PRRG1: variants seen among roughly 807,000 people sequenced by gnomAD.
The protein encoded by PRRG1 is transmembrane gamma-carboxyglutamic acid protein 1.
PRRG1 carries 5 observed loss-of-function variants against 11.8 expected under a neutral mutation model. The ratio of observed to expected loss-of-function variants is 0.42; its 90% CI spans 0.22 to 0.89. The LOEUF (loss-of-function observed/expected upper bound fraction) is 0.89, where lower values mean the gene tolerates loss of function less well. Ranked by LOEUF, PRRG1 falls within the 40% of genes least tolerant of loss-of-function variation. PRRG1 has a pLI of 0.28. For synonymous variants in PRRG1, 66 were observed against 60.4 expected, an observed-to-expected ratio of 1.09 and a Z score of -0.43; for missense variants, 155 against 166.1, an observed-to-expected ratio of 0.93 and a Z score of 0.37.
intron 2 of PRRG1, among the ~76,000 whole-genome samples, chrX:37,406,484 G>A (rs931327565): frequency 7.3e-5 from 8 of 109,938 alleles, no homozygotes; most frequent in African/African-American, 2.6e-4. Flanking sequence ...CCAGTATAGG[G>A]AGAGATGGAT....
intron 1 of PRRG1, among the ~76,000 whole-genome samples, chrX:37,389,483 G>T (rs1253602720): frequency 9.0e-5 from 10 of 111,364 alleles, no homozygotes; most frequent in African/African-American, 3.3e-4. Flanking sequence ...TGGCTTCTGG[G>T]AAAGCCTCAG....
chrX:37,360,967 G>A (rs1205186150), intron 1 of PRRG1, among the ~76,000 whole-genome samples: 4 of 112,482 alleles, frequency 3.6e-5, no homozygotes, highest in East Asian at 2.8e-4. Flanking sequence ...GTAAATTAGC[G>A]ACATAATTAC....
chrX:37,364,772 T>C lies in PRRG1; in HGVS notation c.-42+15377T>C, dbSNP rs371070829. ...GTAGTTACTGGACTTCAACTGATGG[T>C]ATTAATGTTTTTTCATGTTACATTG... On this transcript the variant is annotated intron_variant, in intron 1 of 3. Coordinates refer to ENST00000378628, the MANE Select transcript of PRRG1 (RefSeq NM_001142395.2). Among the ~76,000 whole-genome samples, 4 of 112,056 alleles carry C rather than the reference T, an allele frequency of 3.6e-5. No homozygotes were observed. The East Asian group carries it at 1.1e-3, about 31-fold the overall frequency.
At chrX:37,377,574 A>G (rs1410761332) in intron 1 of PRRG1, among the ~76,000 whole-genome samples, 2 of 111,621 alleles carry the variant, frequency 1.8e-5, no homozygotes, top group Non-Finnish European at 3.8e-5. Context: ...CACATGTAAG[A>G]GATTATGTGG....
intron 3 of PRRG1, chrX:37,441,495 C>A (rs1932977795): frequency 1.3e-6 from 1 of 756,369 alleles, no homozygotes; most frequent in South Asian, 6.7e-5. Context: ...TCCCGCCTGC[C>A]TGCTCACCAC....
rs372466308 is a variant in PRRG1 at position 37,369,605 on chromosome X, A to G, written c.-42+20210A>G. Among the ~76,000 whole-genome samples the G allele has an allele frequency of 2.7e-5, 3 of 111,771 alleles. No homozygotes were observed. The South Asian group carries it at 1.1e-3, about 42-fold the overall frequency. ...TCCTGTCTAACTGAAATTTTGTATC[A>G]TGTGACCAACATCTCTTTGATCTTC... On this transcript the variant is annotated intron_variant, in intron 1 of 3. Transcript: ENST00000378628.
At chrX:37,430,834 C>T (rs969621132) in intron 3 of PRRG1, among the ~76,000 whole-genome samples, 1 of 111,382 alleles carries the variant, frequency 9.0e-6, no homozygotes. Flanking sequence ...ACCATCACTG[C>T]AATCAAGTAG....
At chrX:37,382,320 A>G (rs1225345949) in intron 1 of PRRG1, among the ~76,000 whole-genome samples, 1 of 111,165 alleles carries the variant, frequency 9.0e-6, no homozygotes, top group Non-Finnish European at 1.9e-5. Context: ...GCTTGCCCCA[A>G]AGAATAAGAT....
chrX:37,372,389 C>T lies in PRRG1; in HGVS notation c.-42+22994C>T, dbSNP rs782231099. ...CACAATCTCAGCTCACTGCAACCTTCGCCTCCCAGGTTCAAGTGATTCTCC... is the reference window on the plus strand; with the variant it reads ...CACAATCTCAGCTCACTGCAACCTTTGCCTCCCAGGTTCAAGTGATTCTCC... On this transcript the variant is annotated intron_variant, in intron 1 of 3. Coordinates refer to ENST00000378628, the MANE Select transcript of PRRG1 (RefSeq NM_001142395.2). Among the ~76,000 whole-genome samples the T allele has an allele frequency of 9.8e-5, 11 of 112,226 alleles. No homozygotes were observed. The South Asian group carries it at 1.9e-3, about 19-fold the overall frequency.
Position 37,453,723 on chromosome X carries a change from ACT to A in PRRG1, c.*105_*106del. ...AATGTTCATTGACTTATTTTATTGG[ACT>A]CTTACCGCATACCACTTCACACTTG... is the stretch of plus-strand genomic sequence containing the variant. On this transcript the variant is annotated 3_prime_UTR_variant, in exon 4 of 4. Transcript: ENST00000378628. The A allele has an allele frequency of 1.2e-6, 1 of 837,267 alleles. No individual in the cohort carries two copies. Among genetic ancestry groups the A allele is most frequent in the East Asian group, 3.5e-5 (1 of 28,248 alleles). 69.0% of individuals were successfully genotyped at this position (837,267 alleles called of 1,213,427 possible).
chrX:37,445,077 C>T (rs782490537), intron 3 of PRRG1, among the ~76,000 whole-genome samples: 8 of 111,478 alleles, frequency 7.2e-5, no homozygotes, highest in Non-Finnish European at 1.1e-4. Context: ...AATGGCTAGG[C>T]GGCGCTTGAC....
At chrX:37,385,758 TC>T (rs1461015830) in intron 1 of PRRG1, among the ~76,000 whole-genome samples, 1 of 107,220 alleles carries the variant, frequency 9.3e-6, no homozygotes, top group African/African-American at 3.5e-5. Flanking sequence ...CAAGATGGCT[TC>T]CTTTTTTTTT....
chrX:37,380,140 T>C (rs1285305509), intron 1 of PRRG1, among the ~76,000 whole-genome samples: 11 of 111,198 alleles, frequency 9.9e-5, no homozygotes, highest in African/African-American at 3.6e-4. Flanking sequence ...AACAAAGGCA[T>C]GGAGATGGGA....
Position 37,414,459 on chromosome X carries a change from G to A in PRRG1, c.10+8200G>A, listed in dbSNP as rs186458493. Among the ~76,000 whole-genome samples the A allele has an allele frequency of 2.6e-4, 29 of 111,886 alleles. No homozygotes were observed. The East Asian group carries it at 7.3e-3, about 28-fold the overall frequency. On this transcript the variant is annotated intron_variant, in intron 2 of 3. Transcript: ENST00000378628. Reference sequence around the variant, plus strand: ...CTTAACCTATAGATTTCAGTGTAGTGTTCTGGTCAGCAAAATGAAGGGGTT... The same window carrying A: ...CTTAACCTATAGATTTCAGTGTAGTATTCTGGTCAGCAAAATGAAGGGGTT...
Position 37,433,668 on chromosome X carries a change from A to T in PRRG1, c.171+7668A>T, listed in dbSNP as rs954545004. ...TTTGTTCATAGCTATGGTCCCTAGC[A>T]TATAAAGCAGTGCTGGCACATAATA... On this transcript the variant is annotated intron_variant, in intron 3 of 3. Coordinates refer to ENST00000378628, the MANE Select transcript of PRRG1 (RefSeq NM_001142395.2). Among the ~76,000 whole-genome samples the T allele has an allele frequency of 2.1e-4, 23 of 111,649 alleles. 2 individuals are homozygous for T. Among genetic ancestry groups the T allele is most frequent in the Admixed American group, 1.8e-3 (19 of 10,529 alleles).
chrX:37,368,050 A>T (rs1443709444), intron 1 of PRRG1, among the ~76,000 whole-genome samples: 1 of 111,396 alleles, frequency 9.0e-6, no homozygotes, highest in African/African-American at 3.3e-5. Flanking sequence ...CAGAGAATAC[A>T]CTCCATATGA....
chrX:37,364,332 A>G (rs567681421), intron 1 of PRRG1, among the ~76,000 whole-genome samples: 2 of 111,983 alleles, frequency 1.8e-5, no homozygotes, highest in Middle Eastern at 9.2e-3. Flanking sequence ...AGAGAATGCA[A>G]TCTGATTATC....
intron 3 of PRRG1, among the ~76,000 whole-genome samples, chrX:37,437,055 G>A (rs6520519): frequency 0.26 from 28,888 of 111,545 alleles, 5,944 homozygotes; most frequent in African/African-American, 0.71. Context: ...AAAGATGAGG[G>A]AGGTCTGACT....
rs186904442 is a variant in PRRG1 at position 37,367,327 on chromosome X, T to A, written c.-42+17932T>A. ...GATATGTATTTTTATTATATTTAGTTCAAAATTTTGTCTACTTTCTCTTGT... is the reference window on the plus strand; with the variant it reads ...GATATGTATTTTTATTATATTTAGTACAAAATTTTGTCTACTTTCTCTTGT... On this transcript the variant is annotated intron_variant, in intron 1 of 3. Coordinates refer to ENST00000378628, the MANE Select transcript of PRRG1 (RefSeq NM_001142395.2). Among the ~76,000 whole-genome samples the A allele has an allele frequency of 9.1e-4, 103 of 112,593 alleles. 1 individual carries two copies. Among genetic ancestry groups the A allele is most frequent in the Non-Finnish European group, 1.6e-3 (85 of 53,272 alleles).
Sources: gnomAD v4.1 joint callset for allele counts (sites outside exome capture counted in the v4.1 genomes callset) on GRCh38, gnomAD v4.1.1 for gene constraint, MANE v1.5 for transcripts, NCBI Gene and HGNC (gene_info 2026-07-23, HGNC 2026-07-21) for gene names.